Variants in RHCE observed in about 807,000 individuals in gnomAD.
The protein encoded by RHCE is Rh blood group CcEe antigens.
A neutral mutation model predicts 43.8 loss-of-function variants in RHCE; 22 were observed. The observed-to-expected ratio is 0.50, with a 90% CI of 0.36 to 0.72. The LOEUF is 0.72. RHCE is among the 30% of genes least tolerant of loss of function. The pLI is 0.00. For synonymous variants in RHCE, 156 were observed against 210.7 expected (o/e 0.74, Z 2.25); for missense variants, 385 against 525.4 (o/e 0.73, Z 2.61).
chr1:25,381,540 T>C (rs1290705090), intron 7 of RHCE, among the ~76,000 whole-genome samples: 1 of 150,208 alleles, frequency 6.7e-6, no homozygotes, highest in East Asian at 2.0e-4. Context: ...CACTGCAACC[T>C]CTGCCTCCTG....
intron 2 of RHCE, among the ~76,000 whole-genome samples, chr1:25,407,845 T>C (rs188280628): frequency 1.6e-5 from 2 of 123,680 alleles, no homozygotes; most frequent in African/African-American, 5.0e-5. Context: ...ACCACTATTC[T>C]GACTTCTGGC....
At position 25,370,521 on chromosome 1, in the gene RHCE, T is replaced by G; in HGVS notation, c.1173A>C (p.Lys391Asn). ...GLLTGLLLNL[K>N]IWKAPHVAKY... ...TAGCCACATGAGGTGCTTTCCATAT[T>G]TTGAGATTTAGGAGCAAACCTGTTT... The change falls in exon 9 of 10, where the codon AAA becomes AAC. Residue 391 changes from lysine (K) to asparagine (N), a missense_variant. Transcript: ENST00000294413. 1.2e-6 allele frequency: 2 copies of G among 1,612,556 alleles called. No individual in the cohort carries two copies. The highest frequency in any genetic ancestry group is 1.7e-6 in the Non-Finnish European group (2 of 1,179,254).
intron 3 of RHCE, chr1:25,398,760 C>G: frequency 1.3e-6 from 2 of 1,591,672 alleles, no homozygotes; most frequent in South Asian, 2.2e-5. Context: ...TTGCGGTGCC[C>G]AAGGAGGCCG....
At chr1:25,390,186 G>A (rs1345306946) in intron 5 of RHCE, among the ~76,000 whole-genome samples, 1 of 152,082 alleles carries the variant, frequency 6.6e-6, no homozygotes, top group Non-Finnish European at 1.5e-5. Context: ...ACACACCATT[G>A]TCTCTCTGTA....
intron 1 of RHCE, among the ~76,000 whole-genome samples, chr1:25,414,403 C>T (rs1314491681): frequency 6.6e-6 from 1 of 152,094 alleles, no homozygotes; most frequent in Non-Finnish European, 1.5e-5. Context: ...ACCCTGTGCT[C>T]CCACTGCTGC....
intron 7 of RHCE, among the ~76,000 whole-genome samples, chr1:25,379,464 T>G (rs1366919816): frequency 1.9e-4 from 2 of 10,360 alleles, no homozygotes; most frequent in East Asian, 5.6e-3. Flanking sequence ...TATATATATA[T>G]ATATATATAT....
In RHCE at chr1:25,392,115, G is replaced by C. The variant is rs189225585; in HGVS notation, c.513C>G (p.His171Gln). ...CAAAATAGGCTGCGAACACGTAGAA[G>C]TGCCTCAGGTTCATGTGGTAGTCTG... is the stretch of plus-strand genomic sequence containing the variant. ...FNTDYHMNLR[H>Q]FYVFAAYFGL... The change falls in exon 4 of 10, where the codon CAC (histidine) becomes CAG (glutamine). Residue 171 changes from histidine to glutamine, a missense_variant. Coordinates refer to ENST00000294413, the MANE Select transcript of RHCE (RefSeq NM_020485.8). The C allele has an allele frequency of 6.2e-7, 1 of 1,614,062 alleles. No homozygotes were observed. Among genetic ancestry groups the C allele is most frequent in the African/African-American group, 1.3e-5 (1 of 74,912 alleles).
chr1:25,387,247 C>T (rs28552607), intron 6 of RHCE, among the ~76,000 whole-genome samples: 1,663 of 152,302 alleles, frequency 0.011, 20 homozygotes, highest in African/African-American at 0.037. Flanking sequence ...TTCCCCATGT[C>T]TCTGCCTGGC....
At chr1:25,397,111 C>CAAAAA (rs151106139) in intron 3 of RHCE, among the ~76,000 whole-genome samples, 80 of 57,626 alleles carry the variant, frequency 1.4e-3, no homozygotes, top group East Asian at 2.5e-3. Context: ...GACTCTGTCT[C>CAAAAA]AAAAAAAAAA....
chr1:25,390,481 G>T (rs1026278656), intron 5 of RHCE, among the ~76,000 whole-genome samples: 1 of 152,160 alleles, frequency 6.6e-6, no homozygotes, highest in African/African-American at 2.4e-5. Flanking sequence ...GCAGAAACGG[G>T]GTTCAAACTC....
chr1:25,408,342 C>G lies in RHCE; in HGVS notation c.335+341G>C, dbSNP rs1164557067. 5.7e-5 allele frequency among the ~76,000 whole-genome samples: 7 copies of G among 121,788 alleles called. 1 individual carries two copies. Among genetic ancestry groups the G allele is most frequent in the African/African-American group, 1.8e-4 (7 of 39,352 alleles). 79.9% of individuals were successfully genotyped at this position (121,788 alleles called of 152,430 possible). ...CTCTAGGTGTGGCATGTCTATTTCT[C>G]TCTGTCTAACGTGTTTCCTTCTTAC... On this transcript the variant is annotated intron_variant, in intron 2 of 9. Transcript: ENST00000294413.
Position 25,380,078 on chromosome 1 carries a change from C to T in RHCE, c.1074-4650G>A, listed in dbSNP as rs1571848591. Among the ~76,000 whole-genome samples, 6 of 145,840 alleles carry T rather than the reference C, an allele frequency of 4.1e-5. No homozygotes were observed. The Admixed American group carries it at 4.2e-4, about 10-fold the overall frequency. On this transcript the variant is annotated intron_variant, in intron 7 of 9. Transcript: ENST00000294413. ...GGTGAGACTTAAGGTACAATTCATT[C>T]TATGGGAGATTCCCTCTGGCTGTAA...
chr1:25,386,468 G>A (rs543271201), intron 6 of RHCE, among the ~76,000 whole-genome samples: 42 of 152,200 alleles, frequency 2.8e-4, no homozygotes, highest in Non-Finnish European at 2.9e-4. Context: ...AGCAGATGTG[G>A]ACACATATGC....
intron 3 of RHCE, among the ~76,000 whole-genome samples, chr1:25,400,866 C>T (rs943214387): frequency 1.9e-4 from 29 of 152,126 alleles, no homozygotes; most frequent in African/African-American, 6.8e-4. Context: ...TTGACCCTCT[C>T]CCACCCCACG....
At chr1:25,378,570 C>T (rs74969527) in intron 7 of RHCE, among the ~76,000 whole-genome samples, 1 of 152,196 alleles carries the variant, frequency 6.6e-6, no homozygotes, top group South Asian at 2.1e-4. Context: ...ATCTCGTTTT[C>T]TTGCAAGTCA....
intron 7 of RHCE, among the ~76,000 whole-genome samples, chr1:25,376,546 G>A (rs1645792452): frequency 6.6e-6 from 1 of 152,194 alleles, no homozygotes; most frequent in South Asian, 2.1e-4. Context: ...TAAAGTGGGA[G>A]AAATAATCAC....
intron 7 of RHCE, among the ~76,000 whole-genome samples, chr1:25,378,000 AC>A (rs1228166609): frequency 2.0e-5 from 3 of 152,204 alleles, no homozygotes; most frequent in African/African-American, 7.2e-5. Context: ...ACAGAACACC[AC>A]AATAGAAAAT....
chr1:25,373,299 A>G (rs148561851), intron 8 of RHCE, among the ~76,000 whole-genome samples: 10,751 of 151,670 alleles, frequency 0.071, 1,466 homozygotes, highest in African/African-American at 0.24. Context: ...GATAACAGTG[A>G]ATAGTGTGAG....
Position 25,362,564 on chromosome 1 carries a change from AAAAC to A in RHCE, c.1228-15_1228-12del. The A allele has an allele frequency of 6.4e-7, 1 of 1,556,770 alleles. No homozygotes were observed. Among genetic ancestry groups the A allele is most frequent in the Non-Finnish European group, 8.8e-7 (1 of 1,134,898 alleles). On this transcript the variant is annotated splice_polypyrimidine_tract_variant and intron_variant, in intron 9 of 9. Transcript: ENST00000294413. ...AGCCAAATGAGGAAACTGTAAAAGC[AAAAC>A]AAACATTTTTATTGCAGATGAACCC...
Sources: gnomAD v4.1 joint callset for allele counts (sites outside exome capture counted in the v4.1 genomes callset) on GRCh38, gnomAD v4.1.1 for gene constraint, MANE v1.5 for transcripts, NCBI Gene and HGNC (gene_info 2026-07-23, HGNC 2026-07-21) for gene names.